MAGI3: variants seen among roughly 807,000 people sequenced by gnomAD.
MAGI3 encodes the protein membrane associated guanylate kinase, WW and PDZ domain containing 3, also known as membrane-associated guanylate kinase, WW and PDZ domain-containing protein 3.
In MAGI3, 43 loss-of-function variants were observed where a neutral mutation model predicts 121.8. The ratio of observed to expected loss-of-function variants is 0.35; its 90% CI spans 0.28 to 0.46. MAGI3 has a LOEUF of 0.46. Ranked by LOEUF, MAGI3 falls within the 20% of genes least tolerant of loss-of-function variation. The probability of loss-of-function intolerance (pLI) is 1.00; values close to 1 mark genes in which losing one functional copy is unlikely to be tolerated. For missense variants in MAGI3, 1,547 were observed against 1,797.3 expected, an observed-to-expected ratio of 0.86 and a Z score of 2.52; for synonymous variants, 553 against 639.3, an observed-to-expected ratio of 0.86 and a Z score of 2.04.
At chr1:113,552,422 G>C (rs543879092) in intron 2 of MAGI3, among the ~76,000 whole-genome samples, 1 of 152,266 alleles carries the variant, frequency 6.6e-6, no homozygotes, top group Non-Finnish European at 1.5e-5. Context: ...TGCTCTTAAA[G>C]AGTTTGGTAG....
At position 113,642,432 on chromosome 1, in the gene MAGI3, C is replaced by A. The variant is rs374042532; in HGVS notation, c.1882C>A (p.Gln628Lys). 5.0e-6 allele frequency: 8 copies of A among 1,613,990 alleles called. No homozygotes were observed. The highest frequency in any genetic ancestry group is 1.7e-5 in the Admixed American group (1 of 60,004). The change falls in exon 10 of 21, where the codon CAG (glutamine) becomes AAG (lysine). Residue 628 changes from glutamine to lysine, a missense_variant. Gln to Lys is a moderately conservative substitution (Grantham distance 53). Transcript: ENST00000307546. ...TAAGGAAATATACCATCAAAATGTG[C>A]AGAATTTAACACATCTCCAAGTGGT... ...IIKEIYHQNV[Q>K]NLTHLQVVEV...
At chr1:113,545,797 T>C (rs1270973844) in intron 1 of MAGI3, among the ~76,000 whole-genome samples, 2 of 152,232 alleles carry the variant, frequency 1.3e-5, no homozygotes, top group African/African-American at 4.8e-5. Context: ...AGGCGTAATA[T>C]TAGCATTTAG....
At chr1:113,437,948 TC>T (rs1426271088) in intron 1 of MAGI3, among the ~76,000 whole-genome samples, 1 of 145,486 alleles carries the variant, frequency 6.9e-6, no homozygotes, top group African/African-American at 2.6e-5. Flanking sequence ...CTTCTCCTTC[TC>T]CTTCTTCTTT....
At chr1:113,400,364 C>T (rs570360510) in intron 1 of MAGI3, among the ~76,000 whole-genome samples, 13 of 152,052 alleles carry the variant, frequency 8.5e-5, no homozygotes, top group Admixed American at 3.3e-4. Context: ...GTAGTTTTGC[C>T]AAGTGTCATC....
At chr1:113,467,122 A>G (rs1268031149) in intron 1 of MAGI3, among the ~76,000 whole-genome samples, 1 of 151,916 alleles carries the variant, frequency 6.6e-6, no homozygotes, top group Non-Finnish European at 1.5e-5. Context: ...TGTATCCCAT[A>G]CGTTTTGTTA....
intron 14 of MAGI3, among the ~76,000 whole-genome samples, chr1:113,652,686 T>C (rs949323746): frequency 1.3e-5 from 2 of 152,188 alleles, no homozygotes; most frequent in African/African-American, 4.8e-5. Flanking sequence ...AAACATATTC[T>C]TAAAACCATG....
At chr1:113,677,932 C>T (rs1230657) in intron 19 of MAGI3, among the ~76,000 whole-genome samples, 1,853 of 152,286 alleles carry the variant, frequency 0.012, 47 homozygotes, top group African/African-American at 0.043. Context: ...ATTTCCCTCT[C>T]AGAAGAGTCT....
At chr1:113,486,925 G>A (rs1157344975) in intron 1 of MAGI3, among the ~76,000 whole-genome samples, 2 of 152,074 alleles carry the variant, frequency 1.3e-5, no homozygotes, top group African/African-American at 4.8e-5. Context: ...TGCCCAGGCT[G>A]GTTGCAAACT....
intron 2 of MAGI3, among the ~76,000 whole-genome samples, chr1:113,574,866 T>G (rs1315631625): frequency 6.6e-6 from 1 of 152,214 alleles, no homozygotes; most frequent in Non-Finnish European, 1.5e-5. Flanking sequence ...CTCATATTTC[T>G]TGGAAGCTTT....
intron 1 of MAGI3, among the ~76,000 whole-genome samples, chr1:113,527,585 G>T (rs965611189): frequency 2.0e-5 from 3 of 152,112 alleles, no homozygotes; most frequent in African/African-American, 7.2e-5. Context: ...TTTAAATTAG[G>T]TTGGTCTTCA....
intron 16 of MAGI3, among the ~76,000 whole-genome samples, chr1:113,664,738 G>T (rs1653947722): frequency 6.6e-6 from 1 of 152,168 alleles, no homozygotes; most frequent in South Asian, 2.1e-4. Flanking sequence ...GAATTTGCTA[G>T]CCTAAAGCAT....
At chr1:113,454,535 T>C (rs1440175004) in intron 1 of MAGI3, among the ~76,000 whole-genome samples, 2 of 152,312 alleles carry the variant, frequency 1.3e-5, no homozygotes, top group East Asian at 3.9e-4. Context: ...CTGGGATACA[T>C]GTGCAGAATG....
chr1:113,657,043 C>G (rs1026434627), intron 15 of MAGI3, among the ~76,000 whole-genome samples: 13 of 152,154 alleles, frequency 8.5e-5, no homozygotes, highest in Non-Finnish European at 1.9e-4. Context: ...GGGAACATTT[C>G]CAGTTACTGT....
intron 1 of MAGI3, among the ~76,000 whole-genome samples, chr1:113,402,993 A>T (rs1355494521): frequency 6.6e-6 from 1 of 152,138 alleles, no homozygotes; most frequent in Non-Finnish European, 1.5e-5. Context: ...GGACATGAAA[A>T]AATCTTTCTG....
intron 9 of MAGI3, among the ~76,000 whole-genome samples, chr1:113,630,544 A>G (rs1651559643): frequency 6.6e-6 from 1 of 151,980 alleles, no homozygotes; most frequent in African/African-American, 2.4e-5. Flanking sequence ...CATAGTTACC[A>G]CAGCAGGGAA....
At chr1:113,568,618 A>T (rs1660530553) in intron 2 of MAGI3, among the ~76,000 whole-genome samples, 1 of 152,140 alleles carries the variant, frequency 6.6e-6, no homozygotes. Flanking sequence ...TGGTCAGTAG[A>T]TAGAAAGCCT....
intron 2 of MAGI3, among the ~76,000 whole-genome samples, chr1:113,569,922 G>C (rs2101701420): frequency 6.6e-6 from 1 of 152,196 alleles, no homozygotes; most frequent in South Asian, 2.1e-4. Flanking sequence ...TGTGCAGAAT[G>C]TGCAGGTTTG....
chr1:113,642,544 T>C, intron 10 of MAGI3, 28 bp downstream of exon 10: 1 of 1,583,708 alleles, frequency 6.3e-7, no homozygotes, highest in African/African-American at 1.4e-5. Flanking sequence ...ATAGAAAAAG[T>C]TTCAGTGTTC....
At chr1:113,629,753 TCTCTCTCTCC>T (rs1234278706) in intron 9 of MAGI3, among the ~76,000 whole-genome samples, 3 of 117,324 alleles carry the variant, frequency 2.6e-5, no homozygotes, top group Non-Finnish European at 5.3e-5. Context: ...TCTCTCTCTC[TCTCTCTCTCC>T]CTCCCTCCCT....
Sources: gnomAD v4.1 joint callset for allele counts (sites outside exome capture counted in the v4.1 genomes callset) on GRCh38, gnomAD v4.1.1 for gene constraint, MANE v1.5 for transcripts, NCBI Gene and HGNC (gene_info 2026-07-23, HGNC 2026-07-21) for gene names.